The following SSTR3 variants were observed in gnomAD, a reference collection of about 807,000 sequenced individuals.
SSTR3 encodes the protein somatostatin receptor 3.
For synonymous variants in SSTR3, 281 were observed against 269.2 expected, an observed-to-expected ratio of 1.04 and a Z score of -0.43; for missense variants, 504 against 604.7, an observed-to-expected ratio of 0.83 and a Z score of 1.75.
Position 37,204,621 on chromosome 22 carries a change from C to T in SSTR3, c.*1926G>A, listed in dbSNP as rs912358521. 3 of 152,304 alleles carry T rather than the reference C, an allele frequency of 2.0e-5. No individual in the cohort carries two copies. The highest frequency in any genetic ancestry group is 4.4e-5 in the Non-Finnish European group (3 of 68,132). 9.4% of individuals were successfully genotyped at this position (152,304 alleles called of 1,614,324 possible). A position where few individuals can be genotyped will look rare whatever the true frequency, so the allele number is the denominator to read the frequency against. ...ACCCCAAAGGACAGACACAGAGAGGCCACTTGATGGAGAGGGGGGTATAGG... is the reference window on the plus strand; with the variant it reads ...ACCCCAAAGGACAGACACAGAGAGGTCACTTGATGGAGAGGGGGGTATAGG... On this transcript the variant is annotated 3_prime_UTR_variant, in exon 2 of 2. Coordinates refer to ENST00000610913, the MANE Select transcript of SSTR3 (RefSeq NM_001051.5).
chr22:37,216,201 C>A (rs149667270), upstream of SSTR3, among the ~76,000 whole-genome samples: 1,507 of 150,104 alleles, frequency 0.01, 30 homozygotes, highest in African/African-American at 0.035. Context: ...CTCCCACCCC[C>A]CCATCCCACA....
intron 1 of SSTR3, among the ~76,000 whole-genome samples, chr22:37,209,661 T>C (rs1926070800): frequency 6.6e-6 from 1 of 152,164 alleles, no homozygotes; most frequent in African/African-American, 2.4e-5. Flanking sequence ...ACTACTGTCA[T>C]CCCCACTGCA....
Position 37,206,816 on chromosome 22 carries a change from G to T in SSTR3, c.988C>A (p.Arg330=). The T allele has an allele frequency of 6.2e-7, 1 of 1,612,490 alleles. No homozygotes were observed. The change falls in exon 2 of 2, where the codon CGG becomes AGG. Residue 330 remains arginine (R), a synonymous_variant. Transcript: ENST00000610913. ...TGGCTGCGCACACGGCGGGAGGGCC[G>T]CAGCAGGACCCTGCGGAAGCCCTGC... ...FKQGFRRVLL[R]PSRRVRSQEP...
the SSTR3 span, among the ~76,000 whole-genome samples, chr22:37,219,210 G>A: frequency 6.6e-6 from 1 of 152,294 alleles, no homozygotes; most frequent in East Asian, 1.9e-4. Context: ...CTTGAGACGA[G>A]AGTCTCTTCC....
At chr22:37,216,727 G>C (rs188822706), upstream of SSTR3, among the ~76,000 whole-genome samples, 474 of 152,380 alleles carry the variant, frequency 3.1e-3, 2 homozygotes, top group Non-Finnish European at 4.7e-3. Flanking sequence ...TATGAATCCA[G>C]TTCCTTAGAT....
upstream of SSTR3, among the ~76,000 whole-genome samples, chr22:37,214,610 C>T (rs1280361518): frequency 1.3e-5 from 2 of 152,116 alleles, no homozygotes; most frequent in African/African-American, 4.8e-5. Context: ...TTCAGCCCAG[C>T]CAGAGACCCT....
chr22:37,213,301 G>A (rs1166063881), upstream of SSTR3, among the ~76,000 whole-genome samples: 1 of 152,210 alleles, frequency 6.6e-6, no homozygotes, highest in African/African-American at 2.4e-5. Flanking sequence ...GCCCCTGCCT[G>A]TGCTGATTCC....
At chr22:37,215,204 T>C (rs913439478), upstream of SSTR3, among the ~76,000 whole-genome samples, 1 of 152,158 alleles carries the variant, frequency 6.6e-6, no homozygotes, top group Non-Finnish European at 1.5e-5. Flanking sequence ...AACCTGTATA[T>C]ATATGCTATT....
Position 37,207,644 on chromosome 22 carries a change from C to T in SSTR3, c.160G>A (p.Val54Met). The change falls in exon 2 of 2, where the codon GTG becomes ATG. Residue 54 changes from valine to methionine, a missense_variant. Physicochemically the swap from Val to Met is conservative, Grantham distance 21. Coordinates refer to ENST00000610913, the MANE Select transcript of SSTR3 (RefSeq NM_001051.5). ...TTACCCAGCAGGCCCACCACGCACA[C>T]CACCAGGTAGACCAGGGGGATCAGA... Reference protein sequence around the residue: ...GVLIPLVYLVVCVVGLLGNSL... With the variant: ...GVLIPLVYLVMCVVGLLGNSL... 1 of 1,595,686 alleles carries T rather than the reference C, an allele frequency of 6.3e-7. No homozygotes were observed. Among genetic ancestry groups the T allele is most frequent in the South Asian group, 1.1e-5 (1 of 89,212 alleles).
chr22:37,207,252 C>T lies in SSTR3; in HGVS notation c.552G>A (p.Val184=). ...TGTGGCAGGTGCTCATGCCGCGGGG[C>T]ACTCCCGAGAAGACCACCACGGGCA... ...VVLPVVVFSG[V]PRGMSTCHMQ... The change falls in exon 2 of 2, where the codon GTG becomes GTA. Residue 184 remains valine, a synonymous_variant. Transcript: ENST00000610913. 6.2e-7 allele frequency: 1 copy of T among 1,604,142 alleles called. No homozygotes were observed. The highest frequency in any genetic ancestry group is 8.5e-7 in the Non-Finnish European group (1 of 1,175,366).
At position 37,207,374 on chromosome 22, in the gene SSTR3, C is replaced by A. The variant is rs933389010; in HGVS notation, c.430G>T (p.Ala144Ser). 6 of 1,611,392 alleles carry A rather than the reference C, an allele frequency of 3.7e-6. No homozygotes were observed. Among genetic ancestry groups the A allele is most frequent in the Non-Finnish European group, 5.1e-6 (6 of 1,178,596 alleles). Reference protein sequence around the residue: ...LTVMSVDRYLAVVHPTRSARW... With the variant: ...LTVMSVDRYLSVVHPTRSARW... Reference sequence around the variant, plus strand: ...GCCGAGCGGGTGGGATGTACCACGGCCAGGTAGCGGTCCACGCTCATGACA... The same window carrying A: ...GCCGAGCGGGTGGGATGTACCACGGACAGGTAGCGGTCCACGCTCATGACA... The change falls in exon 2 of 2, where the codon GCC (alanine) becomes TCC (serine). Residue 144 changes from alanine to serine, a missense_variant. Transcript: ENST00000610913.
upstream of SSTR3, among the ~76,000 whole-genome samples, chr22:37,213,682 G>T (rs1044465113): frequency 6.6e-6 from 1 of 152,182 alleles, no homozygotes; most frequent in African/African-American, 2.4e-5. Context: ...AGGTGTGGGT[G>T]GGCTCCTGGG....
chr22:37,217,766 C>A, the SSTR3 span, among the ~76,000 whole-genome samples: 1 of 152,166 alleles, frequency 6.6e-6, no homozygotes, highest in Admixed American at 6.5e-5. Flanking sequence ...TGCAGTGGCA[C>A]AATCTCAGCT....
At chr22:37,218,835 C>T in the SSTR3 span, among the ~76,000 whole-genome samples, 1 of 152,100 alleles carries the variant, frequency 6.6e-6, no homozygotes, top group Non-Finnish European at 1.5e-5. Context: ...CTCACTCCTC[C>T]TAAGCAGACT....
intron 1 of SSTR3, among the ~76,000 whole-genome samples, chr22:37,208,977 T>C (rs914922569): frequency 1.3e-5 from 2 of 152,190 alleles, no homozygotes; most frequent in African/African-American, 4.8e-5. Flanking sequence ...CCAGGCTGGA[T>C]GCAGGAGCCT....
intron 1 of SSTR3, chr22:37,210,874 AC>A: frequency 1.0e-6 from 1 of 985,400 alleles, no homozygotes; most frequent in Non-Finnish European, 1.2e-6. Context: ...CTAGGACATC[AC>A]CCAGAACAGC....
intron 1 of SSTR3, among the ~76,000 whole-genome samples, chr22:37,208,086 C>T (rs1438046118): frequency 6.6e-6 from 1 of 152,170 alleles, no homozygotes; most frequent in Non-Finnish European, 1.5e-5. Context: ...TGATCATTCT[C>T]CATCGTGGAG....
chr22:37,218,533 A>G, the SSTR3 span, among the ~76,000 whole-genome samples: 1 of 152,192 alleles, frequency 6.6e-6, no homozygotes, highest in Non-Finnish European at 1.5e-5. Context: ...GGCCAAGCCC[A>G]GCATCAGGGG....
At chr22:37,217,999 C>T in the SSTR3 span, among the ~76,000 whole-genome samples, 1 of 152,212 alleles carries the variant, frequency 6.6e-6, no homozygotes, top group East Asian at 1.9e-4. Flanking sequence ...CTACTGAGCC[C>T]AACCAGCTCT....
Sources: gnomAD v4.1 joint callset for allele counts (sites outside exome capture counted in the v4.1 genomes callset) on GRCh38, gnomAD v4.1.1 for gene constraint, MANE v1.5 for transcripts, NCBI Gene and HGNC (gene_info 2026-07-23, HGNC 2026-07-21) for gene names.